PWWP2A: variants seen among roughly 807,000 people sequenced by gnomAD.
The protein encoded by PWWP2A is PWWP domain containing 2A, also known as PWWP domain-containing protein 2A.
A neutral mutation model predicts 48.5 loss-of-function variants in PWWP2A; 18 were observed. The ratio of observed to expected loss-of-function variants is 0.37; its 90% CI spans 0.26 to 0.55. PWWP2A has a LOEUF of 0.55. Ranked by LOEUF, PWWP2A falls within the 20% of genes least tolerant of loss-of-function variation. The pLI, the probability that PWWP2A is intolerant of heterozygous loss-of-function variation, is 0.81. For synonymous variants in PWWP2A, 396 were observed against 387.7 expected (o/e 1.02, Z -0.25); for missense variants, 867 against 976.4 (o/e 0.89, Z 1.49).
chr5:160,119,025 C>T lies in PWWP2A; in HGVS notation c.364G>A (p.Glu122Lys). The change falls in exon 1 of 2, where the codon GAG (glutamate) becomes AAG (lysine). Residue 122 changes from glutamate (E) to lysine (K), a missense_variant. Physicochemically the swap from Glu to Lys is moderately conservative, Grantham distance 56 (BLOSUM62 1). Around this residue, in one of 4 missense-constraint regions of PWWP2A, gnomAD observed 385 missense variants for 396.9 expected, o/e 0.97. Transcript: ENST00000307063. The part of the protein sequence containing the change: ...ELPPSPASPP[E>K]QPPAPEEREE... The stretch of plus-strand genomic sequence containing the variant: ...CGCTCCTCGGGAGCCGGGGGCTGCT[C>T]CGGCGGCGATGCAGGAGAAGGTGGA... The T allele has an allele frequency of 6.3e-7, 1 of 1,598,542 alleles. No individual in the cohort carries two copies. The highest frequency in any genetic ancestry group is 8.5e-7 in the Non-Finnish European group (1 of 1,176,384).
At chr5:160,112,497 C>A (rs1757695197) in intron 1 of PWWP2A, among the ~76,000 whole-genome samples, 1 of 152,130 alleles carries the variant, frequency 6.6e-6, no homozygotes, top group Non-Finnish European at 1.5e-5. Context: ...GCTGAGATTA[C>A]AGGCATGAGC....
rs1326687430 is a variant in PWWP2A, at chr5:160,092,968, T to G, written c.1682A>C (p.Lys561Thr). ...EPQTLGKKGS[K>T]NNISVYMTLN... Reference sequence around the variant, plus strand: ...GGTCATATAAACAGAGATATTGTTTTTGCTGCCCTTTTTGCCCAATGTCTG... The same window carrying G: ...GGTCATATAAACAGAGATATTGTTTGTGCTGCCCTTTTTGCCCAATGTCTG... Residue 561 changes from lysine to threonine, a missense_variant, in exon 2 of 2, where the codon AAA becomes ACA. Transcript: ENST00000307063. 6.4e-7 allele frequency: 1 copy of G among 1,554,438 alleles called. No homozygotes were observed. Among genetic ancestry groups the G allele is most frequent in the African/African-American group, 1.4e-5 (1 of 73,268 alleles).
chr5:160,066,295 C>CTTTTTTTTTTTTTTTTTTT (rs748083955), intron 4 of PWWP2A, among the ~76,000 whole-genome samples: 2 of 57,954 alleles, frequency 3.5e-5, no homozygotes, highest in Admixed American at 1.7e-4. Flanking sequence ...AAGTGGTTCT[C>CTTTTTTTTTTTTTTTTTTT]ATTTTTTTTT....
intron 1 of PWWP2A, among the ~76,000 whole-genome samples, chr5:160,105,165 G>A (rs772647838): frequency 6.7e-6 from 1 of 148,564 alleles, no homozygotes; most frequent in Non-Finnish European, 1.5e-5. Flanking sequence ...TTGAGACCAG[G>A]AGTTCAAGGC....
chr5:160,048,431 G>A, the PWWP2A span, among the ~76,000 whole-genome samples: 1 of 152,020 alleles, frequency 6.6e-6, no homozygotes, highest in African/African-American at 2.4e-5. Context: ...CTGGGATTAT[G>A]GGCCTGAGCC....
At chr5:160,097,720 GTTGTT>G (rs1228332722) in intron 1 of PWWP2A, among the ~76,000 whole-genome samples, 1 of 147,474 alleles carries the variant, frequency 6.8e-6, no homozygotes, top group African/African-American at 2.5e-5. Flanking sequence ...GGGGGGGGCG[GTTGTT>G]TTGTTTTTTT....
intron 2 of PWWP2A, among the ~76,000 whole-genome samples, chr5:160,067,368 T>C (rs1753639473): frequency 6.6e-6 from 1 of 152,170 alleles, no homozygotes; most frequent in South Asian, 2.1e-4. Context: ...TATGGATCCT[T>C]GGACTACATT....
chr5:160,077,040 TAAAA>T lies in PWWP2A; in HGVS notation c.*1111_*1114del, dbSNP rs1753923458. On this transcript the variant is annotated 3_prime_UTR_variant, in exon 4 of 4. Coordinates refer to the PWWP2A transcript ENST00000456329. The surrounding 1 kb of genome is among the most constrained non-coding windows in gnomAD (Gnocchi z 4.2). ...GTTTTCTCATGTTTTCTCCATTCAT[TAAAA>T]AAGAAAAATTAAGGTCTTTTATATA... is the stretch of plus-strand genomic sequence containing the variant. 1.3e-5 allele frequency: 2 copies of T among 151,250 alleles called. No homozygotes were observed. The highest frequency in any genetic ancestry group is 1.3e-4 in the Admixed American group (2 of 15,110). The allele number at this position is 151,250 out of a possible 1,614,324, so 9.4% of individuals were successfully genotyped here. A position where few individuals can be genotyped will look rare whatever the true frequency, so the allele number is the denominator to read the frequency against.
downstream of PWWP2A, among the ~76,000 whole-genome samples, chr5:160,087,379 C>CA (rs527692100): frequency 0.16 from 14,607 of 90,330 alleles, 867 homozygotes; most frequent in Middle Eastern, 0.2. Context: ...GACCCTATCT[C>CA]AAAAAAAAAA....
intron 4 of PWWP2A, among the ~76,000 whole-genome samples, chr5:160,063,955 A>T (rs748169992): frequency 6.8e-6 from 1 of 147,046 alleles, no homozygotes; most frequent in African/African-American, 2.5e-5. Flanking sequence ...ACCGCTGGCT[A>T]TAGACCATGA....
chr5:160,109,821 T>TTATATATATATATATATATATATATAA lies in PWWP2A; in HGVS notation c.584+8983_584+8984insTTATATATATATATATATATATATATA, dbSNP rs1561699019. On this transcript the variant is annotated intron_variant, in intron 1 of 1. Coordinates refer to ENST00000307063, the MANE Select transcript of PWWP2A (RefSeq NM_001130864.2). The stretch of plus-strand genomic sequence containing the variant: ...TATATATATATATAAAATAATATAA[T>TTATATATATATATATATATATATATAA]AATATATATATATATATATATCCAG... Among the ~76,000 whole-genome samples the TTATATATATATATATATATATATATAA allele has an allele frequency of 1.8e-4, 16 of 86,758 alleles. 1 individual carries two copies. The highest frequency in any genetic ancestry group is 3.8e-4 in the South Asian group (1 of 2,620). 56.9% of individuals were successfully genotyped at this position (86,758 alleles called of 152,430 possible). A position where few individuals can be genotyped will look rare whatever the true frequency, so the allele number is the denominator to read the frequency against.
chr5:160,092,693 T>C lies in PWWP2A; in HGVS notation c.1957A>G (p.Ile653Val), dbSNP rs1167400124. The C allele has an allele frequency of 1.9e-6, 3 of 1,551,592 alleles. No homozygotes were observed. Among genetic ancestry groups the C allele is most frequent in the East Asian group, 2.4e-5 (1 of 40,934 alleles). The stretch of plus-strand genomic sequence containing the variant: ...GCCCAAACAATGTCCCCTACACATA[T>C]GGTCCTGCCATCTGGTGTGACGCAT... ...SKCVTPDGRT[I>V]CVGDIVWAKI... Residue 653 changes from isoleucine to valine, a missense_variant, in exon 2 of 2, where the codon ATA becomes GTA. Physicochemically the swap from Ile to Val is conservative, Grantham distance 29 (BLOSUM62 3). This residue lies in a region of PWWP2A where 97 missense variants were observed against 151.7 expected (regional missense o/e 0.64). Coordinates refer to ENST00000307063, the MANE Select transcript of PWWP2A (RefSeq NM_001130864.2).
chr5:160,045,485 C>T, the PWWP2A span, among the ~76,000 whole-genome samples: 168 of 121,296 alleles, frequency 1.4e-3, 3 homozygotes, highest in African/African-American at 4.6e-3. Context: ...CACACACACA[C>T]ACACACACAC....
intron 1 of PWWP2A, among the ~76,000 whole-genome samples, chr5:160,110,104 T>C (rs1039518274): frequency 2.0e-5 from 3 of 151,086 alleles, no homozygotes; most frequent in Non-Finnish European, 4.4e-5. Flanking sequence ...CACTGCAGCC[T>C]CCGCCTCCCG....
chr5:160,070,733 T>C (rs1180256606), intron 2 of PWWP2A, among the ~76,000 whole-genome samples: 1 of 152,220 alleles, frequency 6.6e-6, no homozygotes, highest in East Asian at 1.9e-4. Flanking sequence ...ATGGTGGCAC[T>C]GGACATACAT....
chr5:160,110,407 T>C (rs1413344141), intron 1 of PWWP2A, among the ~76,000 whole-genome samples: 1 of 152,180 alleles, frequency 6.6e-6, no homozygotes, highest in Admixed American at 6.6e-5. Context: ...AGTCCTTATC[T>C]TTTTAGATAT....
chr5:160,054,901 T>C, the PWWP2A span, among the ~76,000 whole-genome samples: 1 of 152,230 alleles, frequency 6.6e-6, no homozygotes, highest in South Asian at 2.1e-4. Flanking sequence ...GACGAGACAC[T>C]TTCAGCTACC....
intron 1 of PWWP2A, among the ~76,000 whole-genome samples, chr5:160,097,299 C>T (rs185560631): frequency 1.9e-4 from 24 of 127,508 alleles, no homozygotes; most frequent in Non-Finnish European, 2.7e-4. Context: ...TTCGCGCTAT[C>T]GCACTCCAGC....
At chr5:160,048,372 C>G in the PWWP2A span, among the ~76,000 whole-genome samples, 1 of 151,978 alleles carries the variant, frequency 6.6e-6, no homozygotes, top group East Asian at 1.9e-4. Context: ...GGCTGACGGT[C>G]TCAAAGTCCT....
Sources: gnomAD v4.1 joint callset for allele counts (sites outside exome capture counted in the v4.1 genomes callset) on GRCh38, gnomAD v4.1.1 for gene constraint, gnomAD v4.1.1 regional missense constraint, Gnocchi (gnomAD v3.1) non-coding constraint, MANE v1.5 for transcripts, NCBI Gene and HGNC (gene_info 2026-07-23, HGNC 2026-07-21) for gene names.